The following CDK12 variants were observed in gnomAD, a reference collection of about 807,000 sequenced individuals.
CDK12 encodes the protein cyclin-dependent kinase 12.
Under a neutral mutation model 133.8 loss-of-function variants are expected in CDK12, and 17 were observed. The observed-to-expected ratio is 0.13, with a 90% CI of 0.09 to 0.19. The LOEUF is 0.19. Ranked by LOEUF, CDK12 falls within the 10% of genes least tolerant of loss-of-function variation. The pLI is 1.00. For synonymous variants in CDK12, 694 were observed against 683.6 expected (o/e 1.02, Z -0.24); for missense variants, 1,508 against 1,818.7 (o/e 0.83, Z 3.11).
At chr17:39,522,029 T>C (rs1417361488) in intron 11 of CDK12, among the ~76,000 whole-genome samples, 1 of 152,164 alleles carries the variant, frequency 6.6e-6, no homozygotes, top group Non-Finnish European at 1.5e-5. Context: ...TAACCATTCC[T>C]CCAGCTGTAA....
intron 2 of CDK12, among the ~76,000 whole-genome samples, chr17:39,472,809 C>T (rs1296288774): frequency 6.6e-6 from 1 of 152,094 alleles, no homozygotes; most frequent in African/African-American, 2.4e-5. Flanking sequence ...GGCGCGGTGG[C>T]TCACGCCTGT....
intron 8 of CDK12, among the ~76,000 whole-genome samples, chr17:39,515,466 G>T (rs575175418): frequency 6.6e-6 from 1 of 152,232 alleles, no homozygotes; most frequent in Admixed American, 6.5e-5. Context: ...ACAATGGCAT[G>T]ATAGAAAAAG....
chr17:39,470,583 C>T (rs1222434894), intron 1 of CDK12, among the ~76,000 whole-genome samples: 1 of 152,052 alleles, frequency 6.6e-6, no homozygotes, highest in Non-Finnish European at 1.5e-5. Context: ...AGTTAATGAG[C>T]CAATATTGAT....
rs1288720999 is a variant in CDK12, at chr17:39,462,599, A to T, written c.528A>T (p.Ser176=). The T allele has an allele frequency of 3.7e-6, 6 of 1,614,176 alleles. No individual in the cohort carries two copies. The highest frequency in any genetic ancestry group is 1.7e-5 in the Admixed American group (1 of 60,004). ...AAAGCAGCAGCAAGGAATCCAGGTC[A>T]TCCAAGCTCCACAAGGAGAAGACCA... is the stretch of plus-strand genomic sequence containing the variant. ...VAKSSSKESR[S]SKLHKEKTRK... is the part of the protein sequence containing the mutation. The change falls in exon 1 of 14, where the codon TCA becomes TCT. Residue 176 remains serine (S), a synonymous_variant. Transcript: ENST00000447079.
At chr17:39,561,758 A>G (rs1001197244) in intron 3 of CDK12, among the ~76,000 whole-genome samples, 10 of 152,020 alleles carry the variant, frequency 6.6e-5, no homozygotes, top group African/African-American at 2.4e-4. Flanking sequence ...GACTCCTAAC[A>G]GTTTTCCCCA....
chr17:39,496,955 G>A (rs1472503318), intron 5 of CDK12, among the ~76,000 whole-genome samples: 1 of 122,618 alleles, frequency 8.2e-6, no homozygotes, highest in Non-Finnish European at 1.6e-5. Context: ...TTTTGAGAAG[G>A]AGTCTCACTC....
chr17:39,486,426 C>T (rs2051139114), intron 2 of CDK12, among the ~76,000 whole-genome samples: 3 of 151,828 alleles, frequency 2.0e-5, no homozygotes, highest in African/African-American at 7.3e-5. Context: ...CCACCACTCC[C>T]AGCTAACTTT....
chr17:39,473,745 C>A (rs576069051), intron 2 of CDK12, among the ~76,000 whole-genome samples: 2 of 152,024 alleles, frequency 1.3e-5, no homozygotes, highest in African/African-American at 4.8e-5. Flanking sequence ...ATTAGCTGGG[C>A]GTGGTGGCGG....
At chr17:39,526,444 GA>G (rs1443470050) in intron 13 of CDK12, 128 bp downstream of exon 13, 3 of 683,622 alleles carry the variant, frequency 4.4e-6, no homozygotes, top group Non-Finnish European at 7.3e-6. Context: ...TAGTCTACAG[GA>G]GAACATAGCA....
chr17:39,532,606 T>A lies in CDK12; in HGVS notation c.*1290T>A, dbSNP rs1175796912. ...CAATACCTGACCTTTTTTAAAAAAA[T>A]AATTTTAAAACAGCATACTGTGAGG... On this transcript the variant is annotated 3_prime_UTR_variant, in exon 14 of 14. Transcript: ENST00000447079. 8.6e-6 allele frequency: 2 copies of A among 232,250 alleles called. No homozygotes were observed. Among genetic ancestry groups the A allele is most frequent in the African/African-American group, 4.4e-5 (2 of 45,270 alleles). The allele number at this position is 232,250 out of a possible 1,614,324, so 14.4% of individuals were successfully genotyped here. A position where few individuals can be genotyped will look rare whatever the true frequency, so the allele number is the denominator to read the frequency against.
intron 4 of CDK12, among the ~76,000 whole-genome samples, chr17:39,494,261 C>T (rs542906063): frequency 3.3e-5 from 5 of 152,114 alleles, no homozygotes; most frequent in South Asian, 4.1e-4. Flanking sequence ...TTAATAGAGA[C>T]GGGGTTTCAC....
At chr17:39,505,265 A>G (rs7224067) in intron 6 of CDK12, among the ~76,000 whole-genome samples, 91,895 of 146,408 alleles carry the variant, frequency 0.63, 31,229 homozygotes, top group South Asian at 0.89. Flanking sequence ...GGTGGCTCAC[A>G]CCTGTAATCC....
In CDK12 at chr17:39,557,509, G is replaced by C. The variant is rs567797512; in HGVS notation, n.484+1096G>C. Among the ~76,000 whole-genome samples the C allele has an allele frequency of 3.3e-4, 50 of 152,306 alleles. 1 individual carries two copies. Among genetic ancestry groups the C allele is most frequent in the Admixed American group, 1.9e-3 (29 of 15,298 alleles). On this transcript the variant is annotated intron_variant and non_coding_transcript_variant, in intron 3 of 3. Coordinates refer to the CDK12 transcript ENST00000558240. ...TCCTCTCTTGACCTTTCATGGAGGG[G>C]CACTGTGTGTTCTACTCACCATCCT...
intron 2 of CDK12, among the ~76,000 whole-genome samples, chr17:39,474,648 C>T (rs1453253519): frequency 1.3e-5 from 2 of 152,006 alleles, no homozygotes; most frequent in East Asian, 3.9e-4. Context: ...TACATTGCAG[C>T]CCTCTGGGTG....
At chr17:39,566,016 C>T (rs2056562346), downstream of CDK12, among the ~76,000 whole-genome samples, 1 of 152,182 alleles carries the variant, frequency 6.6e-6, no homozygotes, top group Non-Finnish European at 1.5e-5. Flanking sequence ...TTAGTCACTT[C>T]TCCTTACTCT....
chr17:39,492,900 G>T lies in CDK12; in HGVS notation c.2248+10G>T, dbSNP rs534708853. On this transcript the variant is annotated intron_variant, in intron 4 of 13. Coordinates refer to ENST00000447079, the MANE Select transcript of CDK12 (RefSeq NM_016507.4). ...AAGGACAAAGACACAGGTAAATATT[G>T]CCACAAAATTTTAGATGTCAGAATG... is the stretch of plus-strand genomic sequence containing the variant. The T allele has an allele frequency of 5.4e-5, 85 of 1,588,006 alleles. No homozygotes were observed. In the South Asian group the frequency reaches 9.3e-4, roughly 17 times the overall value.
intron 2 of CDK12, among the ~76,000 whole-genome samples, chr17:39,487,783 G>T (rs947182494): frequency 2.5e-4 from 38 of 151,784 alleles, no homozygotes; most frequent in African/African-American, 8.2e-4. Context: ...GCTAATTTTT[G>T]TATCTTTATT....
rs2051277637 is a variant in CDK12 at position 39,487,998 on chromosome 17, GGCAAGA to G, written c.1932-2555_1932-2550del. ...CTGGGCCATACGTGGTAGGAGGCGA[GGCAAGA>G]GCATCACTTGGGGAGGTCCAGGATT... On this transcript the variant is annotated intron_variant, in intron 2 of 13. Coordinates refer to ENST00000447079, the MANE Select transcript of CDK12 (RefSeq NM_016507.4). 2.0e-5 allele frequency among the ~76,000 whole-genome samples: 3 copies of G among 152,064 alleles called. No individual in the cohort carries two copies. The South Asian group carries it at 6.2e-4, about 32-fold the overall frequency.
chr17:39,475,660 C>T (rs2050138049), intron 2 of CDK12, among the ~76,000 whole-genome samples: 1 of 151,372 alleles, frequency 6.6e-6, no homozygotes, highest in Non-Finnish European at 1.5e-5. Flanking sequence ...ATTCTTCTAC[C>T]TTAGCCTCCC....
Sources: gnomAD v4.1 joint callset for allele counts (sites outside exome capture counted in the v4.1 genomes callset) on GRCh38, gnomAD v4.1.1 for gene constraint, MANE v1.5 for transcripts, NCBI Gene and HGNC (gene_info 2026-07-23, HGNC 2026-07-21) for gene names.